Variants in PDK3 observed in about 807,000 individuals in gnomAD.
PDK3 encodes pyruvate dehydrogenase kinase, isozyme 3.
A neutral mutation model predicts 32.0 loss-of-function variants in PDK3; 12 were observed. The ratio of observed to expected loss-of-function variants is 0.37; its 90% CI spans 0.24 to 0.61. PDK3 has a LOEUF of 0.61. Among genes scored for constraint, PDK3 ranks in the 20% least tolerant of loss-of-function variants. The pLI, the probability that PDK3 is intolerant of heterozygous loss-of-function variation, is 0.65. For missense variants in PDK3, 188 were observed against 316.9 expected (o/e 0.59, Z 3.09); for synonymous variants, 122 against 116.3 (o/e 1.05, Z -0.31).
chrX:24,523,980 TG>T (rs1922461338), intron 6 of PDK3, among the ~76,000 whole-genome samples: 1 of 112,299 alleles, frequency 8.9e-6, no homozygotes, highest in Admixed American at 9.4e-5. Context: ...CAAACCTAAC[TG>T]GCATTAAACT....
At chrX:24,503,107 G>A (rs192317698) in intron 3 of PDK3, among the ~76,000 whole-genome samples, 11 of 111,830 alleles carry the variant, frequency 9.8e-5, no homozygotes, top group African/African-American at 3.6e-4. Flanking sequence ...TTTACTTTTT[G>A]CACTTCTGAA....
intron 6 of PDK3, among the ~76,000 whole-genome samples, chrX:24,525,098 A>G (rs1291653282): frequency 1.8e-5 from 2 of 111,928 alleles, no homozygotes; most frequent in Non-Finnish European, 3.8e-5. Context: ...TGGAGGTTGC[A>G]GTGAGCCGAG....
chrX:24,533,884 A>G (rs756241499), intron 10 of PDK3, 45 bp from the exon 11 acceptor site: 26 of 1,135,311 alleles, frequency 2.3e-5, no homozygotes, highest in Middle Eastern at 2.5e-4. Context: ...ACTTGAGAAA[A>G]ATGACACTGT....
chrX:24,494,552 A>G (rs1602109814), intron 1 of PDK3, among the ~76,000 whole-genome samples, 190 bp from the exon 2 acceptor site: 1 of 112,317 alleles, frequency 8.9e-6, no homozygotes, highest in East Asian at 2.8e-4. Flanking sequence ...CTTGTAATGA[A>G]TGTTCTTTTT....
exon 12 of PDK3, among the ~76,000 whole-genome samples, chrX:24,542,449 A>G (rs908418650): frequency 8.9e-6 from 1 of 112,905 alleles, no homozygotes; most frequent in Non-Finnish European, 1.9e-5. Flanking sequence ...TGGTAAGTCA[A>G]TGGAAGGGCC....
At chrX:24,512,288 A>T (rs913849184) in intron 5 of PDK3, among the ~76,000 whole-genome samples, 1 of 112,188 alleles carries the variant, frequency 8.9e-6, no homozygotes, top group African/African-American at 3.2e-5. Flanking sequence ...TACTTGGTGT[A>T]AAAATCGATT....
exon 12 of PDK3, among the ~76,000 whole-genome samples, chrX:24,540,626 T>C (rs1922867237): frequency 9.0e-6 from 1 of 110,814 alleles, no homozygotes; most frequent in Non-Finnish European, 1.9e-5. Context: ...GAGCTCAGGG[T>C]AGTTCCGTTC....
chrX:24,493,080 A>G (rs1330850038), intron 1 of PDK3, among the ~76,000 whole-genome samples: 3 of 111,343 alleles, frequency 2.7e-5, no homozygotes, highest in Non-Finnish European at 5.7e-5. Context: ...AGATGTTGGA[A>G]GGTCATTGTG....
chrX:24,490,681 A>G (rs1046288734), intron 1 of PDK3, among the ~76,000 whole-genome samples: 22 of 111,271 alleles, frequency 2.0e-4, no homozygotes, highest in African/African-American at 6.9e-4. Flanking sequence ...TGTATTGTAC[A>G]ATGTATGGTA....
chrX:24,532,138 C>T (rs745630445), intron 10 of PDK3, among the ~76,000 whole-genome samples: 3 of 110,384 alleles, frequency 2.7e-5, no homozygotes, highest in Non-Finnish European at 3.8e-5. Context: ...TGGTGGTGCA[C>T]GCCTGTAGTC....
chrX:24,493,881 C>G (rs1921634186), intron 1 of PDK3, among the ~76,000 whole-genome samples: 1 of 112,189 alleles, frequency 8.9e-6, no homozygotes, highest in African/African-American at 3.2e-5. Context: ...TCCCAGCCAC[C>G]ATGGAGTTTC....
intron 2 of PDK3, among the ~76,000 whole-genome samples, chrX:24,498,126 G>A (rs1280075824): frequency 8.9e-6 from 1 of 112,406 alleles, no homozygotes; most frequent in Admixed American, 9.4e-5. Flanking sequence ...TAGTTTCTAA[G>A]TTCTTGGCAG....
At chrX:24,468,676 G>A (rs1330510869) in intron 1 of PDK3, among the ~76,000 whole-genome samples, 1 of 112,143 alleles carries the variant, frequency 8.9e-6, no homozygotes, top group Non-Finnish European at 1.9e-5. Flanking sequence ...TTTCATCTAT[G>A]TGCAGTATTT....
downstream of PDK3, among the ~76,000 whole-genome samples, chrX:24,534,916 C>T (rs1602130133): frequency 8.9e-6 from 1 of 112,264 alleles, no homozygotes; most frequent in Non-Finnish European, 1.9e-5. Flanking sequence ...ATGATTCGCA[C>T]CACTGCACAC....
chrX:24,515,783 C>T (rs1922241022), intron 5 of PDK3, among the ~76,000 whole-genome samples: 1 of 111,841 alleles, frequency 8.9e-6, no homozygotes, highest in Non-Finnish European at 1.9e-5. Flanking sequence ...AAATTTAGTA[C>T]AATTCAAAAT....
chrX:24,471,970 G>A (rs1747958396), intron 1 of PDK3, among the ~76,000 whole-genome samples: 1 of 112,036 alleles, frequency 8.9e-6, no homozygotes. Context: ...GTAGTGTAAA[G>A]TTGGGTTTTG....
chrX:24,482,485 C>G lies in PDK3; in HGVS notation c.107-12257C>G, dbSNP rs192730802. Among the ~76,000 whole-genome samples the G allele has an allele frequency of 3.7e-4, 41 of 112,161 alleles. No homozygotes were observed. The East Asian group carries it at 0.011, about 29-fold the overall frequency. On this transcript the variant is annotated intron_variant, in intron 1 of 10. Coordinates refer to ENST00000379162, the MANE Select transcript of PDK3 (RefSeq NM_005391.5). ...TTGGCCTCTCAAAGTGCTGGGATTA[C>G]AAGCAAGATTGAGCTTTTAAACCTA...
At chrX:24,506,390 T>TA in intron 5 of PDK3, among the ~76,000 whole-genome samples, 1 of 112,325 alleles carries the variant, frequency 8.9e-6, no homozygotes, top group Non-Finnish European at 1.9e-5. Context: ...ACATGTTCAT[T>TA]AGGCCTTAGC....
At chrX:24,545,265 C>T (rs1409195933) in exon 12 of PDK3, among the ~76,000 whole-genome samples, 2 of 111,864 alleles carry the variant, frequency 1.8e-5, no homozygotes, top group African/African-American at 6.5e-5. Flanking sequence ...CCTGTCTTTT[C>T]AATCAACCCA....
Sources: allele counts gnomAD v4.1 joint callset (sites outside exome capture counted in the v4.1 genomes callset), GRCh38; gene constraint gnomAD v4.1.1; transcripts MANE v1.5; gene names NCBI Gene and HGNC (gene_info 2026-07-23, HGNC 2026-07-21).